The following ACACB variants were observed in gnomAD, a reference collection of about 807,000 sequenced individuals.
ACACB encodes the protein acetyl-CoA carboxylase 2.
Under a neutral mutation model 278.8 loss-of-function variants are expected in ACACB, and 209 were observed. The ratio of observed to expected loss-of-function variants is 0.75; its 90% CI spans 0.67 to 0.84. The LOEUF (loss-of-function observed/expected upper bound fraction) is 0.84, where lower values mean the gene tolerates loss of function less well. ACACB is among the 40% of genes least tolerant of loss of function. The pLI is 0.00. For synonymous variants in ACACB, 1,174 were observed against 1,285.6 expected, an observed-to-expected ratio of 0.91 and a Z score of 1.86; for missense variants, 2,850 against 3,269.0, an observed-to-expected ratio of 0.87 and a Z score of 3.13.
At position 109,252,167 on chromosome 12, in the gene ACACB, A is replaced by G. The variant is rs201576979; in HGVS notation, c.5901+11A>G. The G allele has an allele frequency of 4.3e-4, 691 of 1,594,126 alleles. 1 individual carries two copies. The highest frequency in any genetic ancestry group is 8.3e-4 in the Middle Eastern group (5 of 6,022). ...AGTGCTCTCAACAAGGTGACCAAAA[A>G]GGGGCCTGTGCAGAGTGGATCCTTG... is the stretch of plus-strand genomic sequence containing the variant. On this transcript the variant is annotated intron_variant, in intron 42 of 52. Coordinates refer to ENST00000338432, the MANE Select transcript of ACACB (RefSeq NM_001093.4).
intron 11 of ACACB, among the ~76,000 whole-genome samples, chr12:109,182,656 C>T (rs1056314591): frequency 6.6e-6 from 1 of 152,214 alleles, no homozygotes; most frequent in Non-Finnish European, 1.5e-5. Flanking sequence ...AGGCATGAGT[C>T]ACCATGCTCA....
At chr12:109,114,631 G>A (rs1442264406), upstream of ACACB, among the ~76,000 whole-genome samples, 1 of 151,808 alleles carries the variant, frequency 6.6e-6, no homozygotes, top group African/African-American at 2.4e-5. Flanking sequence ...ATCGCTTTAG[G>A]CCAGGAGTTC....
chr12:109,141,101 C>T (rs1348458418), intron 2 of ACACB, among the ~76,000 whole-genome samples: 2 of 151,858 alleles, frequency 1.3e-5, no homozygotes, highest in African/African-American at 4.8e-5. Context: ...GGGAATCTCA[C>T]CATATTGCCC....
chr12:109,146,527 C>T (rs1009953053), intron 2 of ACACB, among the ~76,000 whole-genome samples: 3 of 152,152 alleles, frequency 2.0e-5, no homozygotes, highest in Non-Finnish European at 4.4e-5. Context: ...TTTGGGAGTT[C>T]GCACTGGGTT....
chr12:109,236,605 G>A (rs993225330), intron 33 of ACACB, among the ~76,000 whole-genome samples: 4 of 152,142 alleles, frequency 2.6e-5, no homozygotes, highest in South Asian at 2.1e-4. Flanking sequence ...TTAAGAAAAC[G>A]TTTACCGATC....
At chr12:109,214,815 C>T (rs1019038499) in intron 22 of ACACB, among the ~76,000 whole-genome samples, 1 of 152,126 alleles carries the variant, frequency 6.6e-6, no homozygotes, top group Admixed American at 6.6e-5. Context: ...TTAAAAGAAG[C>T]GGCTAGGTGC....
chr12:109,210,564 C>T (rs117160913), intron 21 of ACACB, among the ~76,000 whole-genome samples: 6,298 of 144,934 alleles, frequency 0.043, 207 homozygotes, highest in Middle Eastern at 0.077. Flanking sequence ...TACATATATA[C>T]ATGTATGTGT....
chr12:109,125,447 C>A (rs1425467193), intron 1 of ACACB: 2 of 152,266 alleles, frequency 1.3e-5, no homozygotes, highest in Non-Finnish European at 1.5e-5. Context: ...TGGACACTAA[C>A]GATGTCTGTG....
chr12:109,223,998 G>A (rs1335152949), intron 27 of ACACB, 94 bp downstream of exon 27: 1 of 1,037,108 alleles, frequency 9.6e-7, no homozygotes, highest in Non-Finnish European at 1.5e-6. Flanking sequence ...ACATGCCTTG[G>A]TGAATGTGAT....
chr12:109,166,537 C>G (rs1405878946), intron 2 of ACACB, among the ~76,000 whole-genome samples: 1 of 149,922 alleles, frequency 6.7e-6, no homozygotes, highest in African/African-American at 2.5e-5. Flanking sequence ...TAAAAGTCGG[C>G]TGGGCTTGGT....
chr12:109,202,560 C>T (rs1320860480), intron 19 of ACACB, among the ~76,000 whole-genome samples: 1 of 152,130 alleles, frequency 6.6e-6, no homozygotes, highest in Non-Finnish European at 1.5e-5. Context: ...GGTGATCCAC[C>T]CTCCTCAGCC....
chr12:109,237,128 T>C, intron 33 of ACACB, 37 bp from the exon 34 acceptor site: 1 of 1,605,468 alleles, frequency 6.2e-7, no homozygotes, highest in Non-Finnish European at 8.5e-7. Flanking sequence ...ACGCTGTGTG[T>C]GTATGTGTCT....
intron 9 of ACACB, among the ~76,000 whole-genome samples, chr12:109,177,991 G>T (rs1593475765): frequency 1.3e-5 from 2 of 152,236 alleles, no homozygotes; most frequent in East Asian, 3.9e-4. Context: ...CTATGAATAT[G>T]TTCTTAATGT....
At chr12:109,234,134 CGTGCTGA>C in intron 31 of ACACB, 89 bp downstream of exon 31, 1 of 1,080,576 alleles carries the variant, frequency 9.3e-7, no homozygotes, top group South Asian at 1.4e-5. Flanking sequence ...GGGAGGCAGG[CGTGCTGA>C]GTACTTCAGA....
chr12:109,132,729 T>C (rs1029688664), intron 1 of ACACB, among the ~76,000 whole-genome samples: 3 of 152,194 alleles, frequency 2.0e-5, no homozygotes, highest in Admixed American at 1.3e-4. Context: ...AGTTCTTGTG[T>C]GGGGTGACCT....
intron 49 of ACACB, chr12:109,263,887 G>C (rs943859696): frequency 3.5e-5 from 7 of 197,352 alleles, no homozygotes; most frequent in African/African-American, 1.6e-4. Context: ...CTACAAGCAC[G>C]ATGGGTCTGA....
At chr12:109,212,186 T>C (rs1221780685) in intron 21 of ACACB, among the ~76,000 whole-genome samples, 1 of 152,128 alleles carries the variant, frequency 6.6e-6, no homozygotes, top group Non-Finnish European at 1.5e-5. Context: ...CCTGGAATTT[T>C]CAATCTTCAA....
chr12:109,200,234 A>C (rs913032693), intron 18 of ACACB, among the ~76,000 whole-genome samples: 1 of 151,284 alleles, frequency 6.6e-6, no homozygotes, highest in Admixed American at 6.6e-5. Flanking sequence ...CCCGGGCTGG[A>C]GTGTAGTGGC....
intron 13 of ACACB, among the ~76,000 whole-genome samples, chr12:109,189,381 T>G (rs1032326605): frequency 1.2e-4 from 18 of 152,122 alleles, no homozygotes; most frequent in African/African-American, 3.1e-4. Context: ...GCTTACTTAA[T>G]AGGAGTAGGC....
Sources: allele counts gnomAD v4.1 joint callset (sites outside exome capture counted in the v4.1 genomes callset), GRCh38; gene constraint gnomAD v4.1.1; transcripts MANE v1.5; gene names NCBI Gene and HGNC (gene_info 2026-07-23, HGNC 2026-07-21).